Variants in SDHAF3 observed in about 807,000 individuals in gnomAD.
SDHAF3 encodes succinate dehydrogenase assembly factor 3, mitochondrial.
SDHAF3 carries 18 observed loss-of-function variants against 11.5 expected under a neutral mutation model. The observed-to-expected ratio is 1.56, with a 90% CI of 1.08 to 2.32. The LOEUF (loss-of-function observed/expected upper bound fraction) is 2.32, where lower values mean the gene tolerates loss of function less well. SDHAF3 is among the 30% of genes most tolerant of loss of function. The pLI is 0.00. For missense variants in SDHAF3, 200 were observed against 154.4 expected, an observed-to-expected ratio of 1.30 and a Z score of -1.57; for synonymous variants, 72 against 59.3, an observed-to-expected ratio of 1.21 and a Z score of -0.99.
At chr7:97,131,037 T>G (rs1791663169) in intron 1 of SDHAF3, among the ~76,000 whole-genome samples, 1 of 152,234 alleles carries the variant, frequency 6.6e-6, no homozygotes, top group South Asian at 2.1e-4. Context: ...CCTGCCCTTG[T>G]CTGCCTAGGA....
At chr7:97,152,285 T>C (rs1415051012) in intron 1 of SDHAF3, among the ~76,000 whole-genome samples, 1 of 152,184 alleles carries the variant, frequency 6.6e-6, no homozygotes, top group African/African-American at 2.4e-5. Context: ...GACTGGAGTT[T>C]TGGTATTACT....
intron 1 of SDHAF3, among the ~76,000 whole-genome samples, chr7:97,144,750 GA>G (rs1789110103): frequency 6.6e-6 from 1 of 152,132 alleles, no homozygotes; most frequent in African/African-American, 2.4e-5. Flanking sequence ...GATGCCTGCA[GA>G]TTTGTTCTTT....
At chr7:97,125,067 C>A (rs1791555482) in intron 1 of SDHAF3, among the ~76,000 whole-genome samples, 1 of 152,094 alleles carries the variant, frequency 6.6e-6, no homozygotes. Flanking sequence ...TTGTCTAGTG[C>A]TGGTTTTCAA....
chr7:97,176,627 C>A (rs1209930808), intron 1 of SDHAF3, among the ~76,000 whole-genome samples: 1 of 152,078 alleles, frequency 6.6e-6, no homozygotes, highest in Non-Finnish European at 1.5e-5. Flanking sequence ...AAAGACTAGT[C>A]GGTAATGGGT....
chr7:97,137,958 C>T (rs1788956307), intron 1 of SDHAF3, among the ~76,000 whole-genome samples: 1 of 150,332 alleles, frequency 6.7e-6, no homozygotes, highest in Non-Finnish European at 1.5e-5. Flanking sequence ...CCACAACCTC[C>T]ATCTCCTGGG....
At chr7:97,151,123 T>C (rs1159779475) in intron 1 of SDHAF3, among the ~76,000 whole-genome samples, 1 of 152,106 alleles carries the variant, frequency 6.6e-6, no homozygotes, top group African/African-American at 2.4e-5. Flanking sequence ...TTACAATAGA[T>C]GAACAAACTG....
chr7:97,147,274 A>G (rs1307031589), intron 1 of SDHAF3, among the ~76,000 whole-genome samples: 1 of 152,208 alleles, frequency 6.6e-6, no homozygotes, highest in Non-Finnish European at 1.5e-5. Context: ...GTTGAGATAG[A>G]TACACAATTA....
chr7:97,157,802 A>C (rs988624290), intron 1 of SDHAF3, among the ~76,000 whole-genome samples: 9 of 151,998 alleles, frequency 5.9e-5, no homozygotes, highest in Admixed American at 2.6e-4. Context: ...AAATGATTTC[A>C]TGTCCTTTGT....
chr7:97,126,190 A>G (rs1239700525), intron 1 of SDHAF3, among the ~76,000 whole-genome samples: 1 of 152,174 alleles, frequency 6.6e-6, no homozygotes, highest in African/African-American at 2.4e-5. Flanking sequence ...CCAGAGGGGC[A>G]CCAGCCTGAT....
intron 1 of SDHAF3, among the ~76,000 whole-genome samples, chr7:97,128,608 A>G (rs1294228473): frequency 3.3e-5 from 5 of 152,198 alleles, no homozygotes; most frequent in Non-Finnish European, 7.3e-5. Flanking sequence ...GTGCAATCTT[A>G]AAATTTGAAG....
At chr7:97,119,321 CTT>C (rs1344883123) in intron 1 of SDHAF3, among the ~76,000 whole-genome samples, 2 of 151,978 alleles carry the variant, frequency 1.3e-5, no homozygotes, top group Non-Finnish European at 2.9e-5. Context: ...ATGGAAGCCT[CTT>C]TGGGAAAAAG....
chr7:97,129,642 T>C (rs1322848516), intron 1 of SDHAF3, among the ~76,000 whole-genome samples: 1 of 152,182 alleles, frequency 6.6e-6, no homozygotes, highest in East Asian at 1.9e-4. Flanking sequence ...AATGACTTGT[T>C]TGATACTGAT....
At chr7:97,121,188 C>T (rs990662299) in intron 1 of SDHAF3, among the ~76,000 whole-genome samples, 5 of 152,116 alleles carry the variant, frequency 3.3e-5, no homozygotes, top group Non-Finnish European at 4.4e-5. Context: ...GGTCTTACTA[C>T]GGCATTTTAA....
intron 1 of SDHAF3, among the ~76,000 whole-genome samples, chr7:97,124,077 C>A (rs1791539381): frequency 6.6e-6 from 1 of 152,124 alleles, no homozygotes; most frequent in African/African-American, 2.4e-5. Context: ...TTGCCCATGC[C>A]TATGTCCTGA....
chr7:97,134,098 C>G (rs1791711112), intron 1 of SDHAF3, among the ~76,000 whole-genome samples: 1 of 152,190 alleles, frequency 6.6e-6, no homozygotes, highest in South Asian at 2.1e-4. Flanking sequence ...ACTCCCTCCC[C>G]CCTTTCCAAA....
chr7:97,146,633 G>T (rs1339994883), intron 1 of SDHAF3, among the ~76,000 whole-genome samples: 8 of 151,888 alleles, frequency 5.3e-5, no homozygotes, highest in African/African-American at 1.9e-4. Flanking sequence ...CTTTTTTGAA[G>T]TTACATTTTA....
chr7:97,120,572 C>A (rs912382041), intron 1 of SDHAF3, among the ~76,000 whole-genome samples: 8 of 151,492 alleles, frequency 5.3e-5, no homozygotes, highest in Non-Finnish European at 1.2e-4. Context: ...GATTTTTATG[C>A]CTTTATTTTT....
At chr7:97,147,029 C>T (rs147708844) in intron 1 of SDHAF3, among the ~76,000 whole-genome samples, 10 of 151,948 alleles carry the variant, frequency 6.6e-5, no homozygotes, top group Admixed American at 3.9e-4. Flanking sequence ...GCGTGAGCCA[C>T]TGCGCCCGGC....
At chr7:97,151,054 C>T (rs922971514) in intron 1 of SDHAF3, among the ~76,000 whole-genome samples, 10 of 152,092 alleles carry the variant, frequency 6.6e-5, no homozygotes, top group African/African-American at 2.4e-4. Flanking sequence ...ATACCTTCTG[C>T]CCCAACATAT....
Sources: gnomAD v4.1 joint callset for allele counts (sites outside exome capture counted in the v4.1 genomes callset) on GRCh38, gnomAD v4.1.1 for gene constraint, MANE v1.5 for transcripts, NCBI Gene and HGNC (gene_info 2026-07-23, HGNC 2026-07-21) for gene names.